The following FGD4 variants were observed in gnomAD, a reference collection of about 807,000 sequenced individuals.
The protein encoded by FGD4 is FYVE, RhoGEF and PH domain containing 4.
In FGD4, 42 loss-of-function variants were observed where a neutral mutation model predicts 102.0. The ratio of observed to expected loss-of-function variants is 0.41; its 90% CI spans 0.32 to 0.53. The LOEUF is 0.53. Among genes scored for constraint, FGD4 ranks in the 20% least tolerant of loss-of-function variants. The pLI, the probability that FGD4 is intolerant of heterozygous loss-of-function variation, is 0.21. For missense variants in FGD4, 902 were observed against 1,078.2 expected, an observed-to-expected ratio of 0.84 and a Z score of 2.29; for synonymous variants, 380 against 375.7, an observed-to-expected ratio of 1.01 and a Z score of -0.13.
intron 1 of FGD4, among the ~76,000 whole-genome samples, chr12:32,497,452 T>A (rs1256527040): frequency 6.6e-6 from 1 of 152,162 alleles, no homozygotes; most frequent in Non-Finnish European, 1.5e-5. Context: ...AGAAAATATC[T>A]AAGGAGATAC....
chr12:32,487,639 C>A (rs1031359485), intron 1 of FGD4, among the ~76,000 whole-genome samples: 1 of 152,176 alleles, frequency 6.6e-6, no homozygotes, highest in African/African-American at 2.4e-5. Flanking sequence ...GTTGGCCAGG[C>A]TGGTCTTGAA....
At chr12:32,586,381 G>T (rs1451611184) in intron 4 of FGD4, among the ~76,000 whole-genome samples, 1 of 152,122 alleles carries the variant, frequency 6.6e-6, no homozygotes, top group Non-Finnish European at 1.5e-5. Context: ...TTAGATATTT[G>T]ATATTCTAGC....
chr12:32,591,149 G>A (rs569691499), intron 4 of FGD4, among the ~76,000 whole-genome samples: 2 of 151,896 alleles, frequency 1.3e-5, no homozygotes, highest in Non-Finnish European at 2.9e-5. Flanking sequence ...CTGTACAAAG[G>A]GTACCCACTC....
At chr12:32,579,507 A>C (rs1192397151) in intron 3 of FGD4, 1 of 151,982 alleles carries the variant, frequency 6.6e-6, no homozygotes, top group Non-Finnish European at 1.5e-5. Flanking sequence ...CCCTACTCAT[A>C]CCCTTGATAT....
chr12:32,495,677 CAGAG>C (rs1367153671), intron 1 of FGD4, among the ~76,000 whole-genome samples: 4 of 133,396 alleles, frequency 3.0e-5, no homozygotes, highest in African/African-American at 1.3e-4. Context: ...GCCTGGGCCA[CAGAG>C]AGAGACTCTG....
chr12:32,442,302 C>G (rs1040225062), intron 1 of FGD4, among the ~76,000 whole-genome samples: 2 of 152,104 alleles, frequency 1.3e-5, no homozygotes, highest in Admixed American at 6.6e-5. Context: ...ATCCACCCAC[C>G]TCAGCCCCCC....
At chr12:32,616,482 TG>T (rs1473397644) in intron 10 of FGD4, among the ~76,000 whole-genome samples, 2 of 152,244 alleles carry the variant, frequency 1.3e-5, no homozygotes, top group Non-Finnish European at 2.9e-5. Flanking sequence ...ACATTTCCAG[TG>T]TCATGTTGGT....
intron 1 of FGD4, among the ~76,000 whole-genome samples, chr12:32,444,172 AGCCACCACACCTG>A (rs1269241042): frequency 2.0e-5 from 3 of 151,644 alleles, no homozygotes; most frequent in Non-Finnish European, 4.4e-5. Context: ...TACAGGCATG[AGCCACCACACCTG>A]GCACATTTTA....
At chr12:32,536,468 C>T (rs1942273984) in intron 1 of FGD4, among the ~76,000 whole-genome samples, 1 of 152,190 alleles carries the variant, frequency 6.6e-6, no homozygotes, top group African/African-American at 2.4e-5. Context: ...GAGCCACCTT[C>T]TGATAACCTT....
Position 32,399,716 on chromosome 12 carries a change from C to T in FGD4, c.-78C>T. On this transcript the variant is annotated 5_prime_UTR_variant, in exon 1 of 17. It introduces an in-frame stop codon into an upstream open reading frame of the 5' UTR. Transcript: ENST00000534526. ...CGGAGTCGCGCCGAACCTGGGCATGCAGGCGACGCCCCCCAGGGGCCGCTC... is the reference window on the plus strand; with the variant it reads ...CGGAGTCGCGCCGAACCTGGGCATGTAGGCGACGCCCCCCAGGGGCCGCTC... 1.3e-6 allele frequency: 2 copies of T among 1,491,558 alleles called. No individual in the cohort carries two copies. Among genetic ancestry groups the T allele is most frequent in the South Asian group, 2.6e-5 (2 of 77,766 alleles). 92.4% of individuals were successfully genotyped at this position (1,491,558 alleles called of 1,614,324 possible).
rs761273182 is a variant in FGD4, at chr12:32,611,288, G to A, written c.1749+5G>A. The A allele has an allele frequency of 1.2e-6, 2 of 1,614,026 alleles. No homozygotes were observed. The highest frequency in any genetic ancestry group is 8.5e-7 in the Non-Finnish European group (1 of 1,180,014). On this transcript the variant is annotated splice_donor_5th_base_variant and intron_variant, in intron 10 of 16. Coordinates refer to ENST00000534526, the MANE Select transcript of FGD4 (RefSeq NM_001370298.3). ...CAAGAACGCTACCTTTTCTTAGTGA[G>A]TATTATAGTGTTGGCAAGTCATATA...
chr12:32,414,479 T>A (rs1404224042), intron 1 of FGD4, among the ~76,000 whole-genome samples: 1 of 152,166 alleles, frequency 6.6e-6, no homozygotes, highest in Admixed American at 6.5e-5. Context: ...CCAATTAAAT[T>A]ATTGACTATA....
intron 5 of FGD4, 40 bp from the exon 6 acceptor site, chr12:32,601,237 CA>C: frequency 6.3e-7 from 1 of 1,596,194 alleles, no homozygotes; most frequent in East Asian, 2.2e-5. Flanking sequence ...GGTGGTTAAC[CA>C]ATAAATGTGA....
chr12:32,442,043 GTTT>G (rs66975190), intron 1 of FGD4, among the ~76,000 whole-genome samples: 7 of 131,090 alleles, frequency 5.3e-5, no homozygotes, highest in Admixed American at 7.7e-5. Context: ...GTGTTGTTGT[GTTT>G]TTTTTTTTTT....
intron 11 of FGD4, among the ~76,000 whole-genome samples, chr12:32,621,129 C>T (rs901253567): frequency 6.6e-6 from 1 of 151,936 alleles, no homozygotes; most frequent in African/African-American, 2.4e-5. Context: ...AATCCCAACA[C>T]TTTGGGAGGC....
At chr12:32,557,880 G>A (rs1465743776) in intron 1 of FGD4, among the ~76,000 whole-genome samples, 1 of 152,092 alleles carries the variant, frequency 6.6e-6, no homozygotes, top group Non-Finnish European at 1.5e-5. Flanking sequence ...GGACAAATGG[G>A]GGAGTTTTGG....
intron 3 of FGD4, among the ~76,000 whole-genome samples, chr12:32,579,116 A>C (rs1043087733): frequency 3.0e-5 from 4 of 132,356 alleles, no homozygotes; most frequent in Non-Finnish European, 6.1e-5. Context: ...GCACGATCTC[A>C]GCTCACCATG....
At chr12:32,522,442 T>C (rs1940644138) in intron 1 of FGD4, among the ~76,000 whole-genome samples, 3 of 152,192 alleles carry the variant, frequency 2.0e-5, no homozygotes. Context: ...GGAAGGAAGA[T>C]GATAATTAGA....
intron 14 of FGD4, among the ~76,000 whole-genome samples, chr12:32,626,187 A>G (rs1592457803): frequency 2.0e-5 from 3 of 152,278 alleles, no homozygotes; most frequent in African/African-American, 7.2e-5. Context: ...GCTTACGCCT[A>G]TAATCCCAGC....
Sources: allele counts gnomAD v4.1 joint callset (sites outside exome capture counted in the v4.1 genomes callset), GRCh38; gene constraint gnomAD v4.1.1; transcripts MANE v1.5; gene names NCBI Gene and HGNC (gene_info 2026-07-23, HGNC 2026-07-21).